NELL2: variants seen among roughly 807,000 people sequenced by gnomAD.
NELL2 encodes protein kinase C-binding protein NELL2.
A neutral mutation model predicts 109.6 loss-of-function variants in NELL2; 41 were observed. The ratio of observed to expected loss-of-function variants is 0.37; its 90% CI spans 0.29 to 0.49. The LOEUF (loss-of-function observed/expected upper bound fraction) is 0.49. Ranked by LOEUF, NELL2 falls within the 20% of genes least tolerant of loss-of-function variation. The pLI is 0.98. For synonymous variants in NELL2, 355 were observed against 344.7 expected (o/e 1.03, Z -0.33); for missense variants, 900 against 1,008.3 (o/e 0.89, Z 1.45).
intron 15 of NELL2, among the ~76,000 whole-genome samples, chr12:44,592,483 ATAGT>A (rs1200771769): frequency 1.3e-5 from 2 of 152,160 alleles, no homozygotes; most frequent in African/African-American, 2.4e-5. Context: ...AAAAGATTAG[ATAGT>A]TAGGTAGATA....
intron 2 of NELL2, among the ~76,000 whole-genome samples, chr12:44,865,319 T>A (rs1406404886): frequency 6.8e-6 from 1 of 147,676 alleles, no homozygotes; most frequent in Non-Finnish European, 1.5e-5. Flanking sequence ...ATGTTGTAGG[T>A]TGCCTGTTCA....
chr12:44,598,686 T>C (rs148517112), intron 15 of NELL2, among the ~76,000 whole-genome samples: 37 of 152,224 alleles, frequency 2.4e-4, no homozygotes, highest in Admixed American at 2.3e-3. Flanking sequence ...ACTGACCTCA[T>C]TGAAAAAATG....
chr12:44,687,676 C>A (rs1464935856), intron 12 of NELL2, among the ~76,000 whole-genome samples: 2 of 152,150 alleles, frequency 1.3e-5, no homozygotes, highest in East Asian at 3.8e-4. Context: ...TCAGGACTTT[C>A]AACAAATATA....
At chr12:44,512,028 C>G (rs1192675632) in intron 19 of NELL2, among the ~76,000 whole-genome samples, 2 of 152,024 alleles carry the variant, frequency 1.3e-5, no homozygotes, top group Non-Finnish European at 2.9e-5. Flanking sequence ...AGAAAAAAAT[C>G]AACAGAATGA....
intron 12 of NELL2, among the ~76,000 whole-genome samples, chr12:44,666,845 C>T (rs1222190556): frequency 6.6e-6 from 1 of 152,142 alleles, no homozygotes; most frequent in Non-Finnish European, 1.5e-5. Flanking sequence ...CTCCCTTCTC[C>T]CCTCTCAGTG....
At chr12:44,600,308 C>T (rs1307473557) in intron 15 of NELL2, among the ~76,000 whole-genome samples, 1 of 151,410 alleles carries the variant, frequency 6.6e-6, no homozygotes, top group African/African-American at 2.4e-5. Flanking sequence ...CGCGCCCGGC[C>T]GGAAAACCTA....
At chr12:44,837,452 G>A (rs913050768) in intron 2 of NELL2, among the ~76,000 whole-genome samples, 11 of 152,098 alleles carry the variant, frequency 7.2e-5, no homozygotes, top group African/African-American at 1.2e-4. Flanking sequence ...TAGGTTTTCC[G>A]CTGATAAGTG....
chr12:44,850,578 T>C (rs899433885), intron 2 of NELL2, among the ~76,000 whole-genome samples: 4 of 152,170 alleles, frequency 2.6e-5, no homozygotes, highest in African/African-American at 9.7e-5. Context: ...AAGACATCAA[T>C]GCAAAACAGT....
At chr12:44,598,881 A>T (rs534947077) in intron 15 of NELL2, among the ~76,000 whole-genome samples, 69 of 148,516 alleles carry the variant, frequency 4.6e-4, no homozygotes, top group African/African-American at 1.4e-3. Flanking sequence ...ACACACACAC[A>T]CACTCTCTCT....
chr12:44,528,612 C>A (rs748435224), intron 16 of NELL2, among the ~76,000 whole-genome samples: 1 of 152,192 alleles, frequency 6.6e-6, no homozygotes, highest in South Asian at 2.1e-4. Flanking sequence ...AGACACTGCT[C>A]TAGGCATTGG....
chr12:44,750,400 G>A (rs1423888211), intron 9 of NELL2, among the ~76,000 whole-genome samples: 1 of 152,102 alleles, frequency 6.6e-6, no homozygotes, highest in Non-Finnish European at 1.5e-5. Context: ...AATGCTAGAG[G>A]ATTCACTGAC....
chr12:44,705,208 T>C (rs921025120), intron 11 of NELL2, among the ~76,000 whole-genome samples: 1 of 152,188 alleles, frequency 6.6e-6, no homozygotes, highest in East Asian at 1.9e-4. Context: ...TACTCCCTAT[T>C]AATGCAACTA....
At chr12:44,745,886 A>G (rs201614426) in intron 9 of NELL2, among the ~76,000 whole-genome samples, 40 of 149,022 alleles carry the variant, frequency 2.7e-4, no homozygotes, top group South Asian at 2.1e-4. Context: ...GGTAATTTAT[A>G]GATTCAATGC....
At position 44,895,638 on chromosome 12, in the gene NELL2, C is replaced by A. The variant is rs115447629; in HGVS notation, c.38+18161G>T. On this transcript the variant is annotated intron_variant, in intron 1 of 20. Coordinates refer to the NELL2 transcript ENST00000333837. ...CATGTTTCCATTATAAAAAATTACC[C>A]CAGGGAGATTCTAATTTGTATCCAC... 7.7e-3 allele frequency among the ~76,000 whole-genome samples: 1,167 copies of A among 152,164 alleles called. 15 individuals carry two copies. Among genetic ancestry groups the A allele is most frequent in the African/African-American group, 0.026 (1,090 of 41,510 alleles).
chr12:44,838,120 T>C (rs918808386), intron 2 of NELL2, among the ~76,000 whole-genome samples: 2 of 152,190 alleles, frequency 1.3e-5, no homozygotes, highest in Non-Finnish European at 2.9e-5. Flanking sequence ...TTAAAATTTA[T>C]CTAGAAACTG....
At chr12:44,746,539 A>C (rs1940368548) in intron 9 of NELL2, among the ~76,000 whole-genome samples, 1 of 152,252 alleles carries the variant, frequency 6.6e-6, no homozygotes, top group Non-Finnish European at 1.5e-5. Flanking sequence ...AAATTTTTGC[A>C]ACCTACTCAT....
intron 7 of NELL2, among the ~76,000 whole-genome samples, chr12:44,776,784 ACAATAAATC>A (rs958963119): frequency 2.0e-5 from 3 of 152,170 alleles, no homozygotes; most frequent in African/African-American, 7.2e-5. Context: ...TAAAAGCTAA[ACAATAAATC>A]CTCCTGTAGT....
At chr12:44,859,424 C>G (rs1944774313) in intron 2 of NELL2, among the ~76,000 whole-genome samples, 1 of 152,162 alleles carries the variant, frequency 6.6e-6, no homozygotes, top group African/African-American at 2.4e-5. Flanking sequence ...GCCTGGAATC[C>G]CAGCTACTCA....
intron 2 of NELL2, among the ~76,000 whole-genome samples, chr12:44,858,087 G>C (rs1252683600): frequency 6.6e-6 from 1 of 152,184 alleles, no homozygotes; most frequent in Non-Finnish European, 1.5e-5. Context: ...AAGATTTAAT[G>C]AATGTTTAGT....
Sources: gnomAD v4.1 joint callset for allele counts (sites outside exome capture counted in the v4.1 genomes callset) on GRCh38, gnomAD v4.1.1 for gene constraint, MANE v1.5 for transcripts, NCBI Gene and HGNC (gene_info 2026-07-23, HGNC 2026-07-21) for gene names.